The following KIRREL3 variants were observed in gnomAD, a reference collection of about 807,000 sequenced individuals.
The protein encoded by KIRREL3 is kirre like nephrin family adhesion molecule 3.
In KIRREL3, 36 loss-of-function variants were observed where a neutral mutation model predicts 89.7. The observed-to-expected ratio is 0.40, with a 90% CI of 0.31 to 0.53. The LOEUF is 0.53. Ranked by LOEUF, KIRREL3 falls within the 20% of genes least tolerant of loss-of-function variation. KIRREL3 has a pLI of 0.49. For missense variants in KIRREL3, 864 were observed against 1,056.6 expected (o/e 0.82, Z 2.53); for synonymous variants, 445 against 441.4 (o/e 1.01, Z -0.10).
In KIRREL3 at chr11:126,535,306, T is replaced by C. The variant is rs1409380058; in HGVS notation, c.134-8619A>G. ...TGCAGCGCCCTCATCTTAATCTCTT[T>C]TCTGGGACTCGCAGCACACATTATC... On this transcript the variant is annotated intron_variant, in intron 2 of 16. Transcript: ENST00000525144. This position sits in a 1 kb window ranked among gnomAD's most constrained non-coding sequence, Gnocchi z 4.5. Among the ~76,000 whole-genome samples, 1 of 152,152 alleles carries C rather than the reference T, an allele frequency of 6.6e-6. No individual in the cohort carries two copies. Among genetic ancestry groups the C allele is most frequent in the Non-Finnish European group, 1.5e-5 (1 of 68,034 alleles).
In KIRREL3 at chr11:126,708,938, T is replaced by C. The variant is rs988376129; in HGVS notation, c.56-146026A>G. ...TCTTCCTTCAGGCTGTTTCTTGAAT[T>C]GGTTTCTTCTCTATCCCACTATTAC... On this transcript the variant is annotated intron_variant, in intron 1 of 16. Coordinates refer to ENST00000525144, the MANE Select transcript of KIRREL3 (RefSeq NM_032531.4). The surrounding 1 kb of genome is among the most constrained non-coding windows in gnomAD (Gnocchi z 5.7). 6.6e-6 allele frequency among the ~76,000 whole-genome samples: 1 copy of C among 152,196 alleles called. No individual in the cohort carries two copies. The highest frequency in any genetic ancestry group is 2.4e-5 in the African/African-American group (1 of 41,460).
At chr11:126,781,857 T>C (rs146952519) in intron 1 of KIRREL3, among the ~76,000 whole-genome samples, 1 of 152,198 alleles carries the variant, frequency 6.6e-6, no homozygotes, top group Non-Finnish European at 1.5e-5. Context: ...TTGGTAGAAA[T>C]AGGGGCCACT....
Position 126,788,241 on chromosome 11 carries a change from C to A in KIRREL3, c.55+212214G>T, listed in dbSNP as rs904042469. Among the ~76,000 whole-genome samples, 1 of 152,232 alleles carries A rather than the reference C, an allele frequency of 6.6e-6. No individual in the cohort carries two copies. The highest frequency in any genetic ancestry group is 6.5e-5 in the Admixed American group (1 of 15,288). On this transcript the variant is annotated intron_variant, in intron 1 of 16. Transcript: ENST00000525144. This position sits in a 1 kb window ranked among gnomAD's most constrained non-coding sequence, Gnocchi z 4.1. ...ACCATCTCTTTTTCATTCCTATGGA[C>A]GTTGCCTCCCAGGGCTGCTCTCCAA...
intron 4 of KIRREL3, among the ~76,000 whole-genome samples, chr11:126,497,108 G>A (rs1368376129): frequency 1.5e-5 from 2 of 134,564 alleles, no homozygotes; most frequent in Non-Finnish European, 3.4e-5. Context: ...AAGCCTGCTT[G>A]GCTGTGTGTG....
chr11:126,832,513 A>G (rs1213900892), intron 1 of KIRREL3, among the ~76,000 whole-genome samples: 1 of 152,176 alleles, frequency 6.6e-6, no homozygotes, highest in Non-Finnish European at 1.5e-5. Context: ...GCGGGACTGT[A>G]TTTGAAGACA....
intron 1 of KIRREL3, among the ~76,000 whole-genome samples, chr11:126,859,594 A>G (rs1944643179): frequency 1.3e-5 from 2 of 152,246 alleles, no homozygotes; most frequent in South Asian, 4.1e-4. Context: ...GAGAAGCCAC[A>G]CACATAAACA....
chr11:126,574,080 G>A lies in KIRREL3; in HGVS notation c.56-11168C>T, dbSNP rs764882210. Among the ~76,000 whole-genome samples, 1 of 152,210 alleles carries A rather than the reference G, an allele frequency of 6.6e-6. No individual in the cohort carries two copies. Among genetic ancestry groups the A allele is most frequent in the Non-Finnish European group, 1.5e-5 (1 of 68,038 alleles). On this transcript the variant is annotated intron_variant, in intron 1 of 16. Transcript: ENST00000525144. This position sits in a 1 kb window ranked among gnomAD's most constrained non-coding sequence, Gnocchi z 5.3. ...CTTCATTCTGAGGGACTAGAACATC[G>A]GTTGCGGAATGTGGAAACCAGGTTA...
At position 126,783,134 on chromosome 11, in the gene KIRREL3, A is replaced by T. The variant is rs1485251391; in HGVS notation, c.55+217321T>A. ...CCGGAGAATGCACGTTTAAAAATTA[A>T]GGTGTCTGCAGAGCCATGCTTCCCC... is the stretch of plus-strand genomic sequence containing the variant. On this transcript the variant is annotated intron_variant, in intron 1 of 16. Coordinates refer to ENST00000525144, the MANE Select transcript of KIRREL3 (RefSeq NM_032531.4). The surrounding 1 kb of genome is among the most constrained non-coding windows in gnomAD (Gnocchi z 4.3). Among the ~76,000 whole-genome samples the T allele has an allele frequency of 6.6e-6, 1 of 152,226 alleles. No homozygotes were observed. The highest frequency in any genetic ancestry group is 2.4e-5 in the African/African-American group (1 of 41,470).
In KIRREL3 at chr11:126,943,193, A is replaced by G. The variant is rs1040906758; in HGVS notation, c.55+57262T>C. 6.6e-6 allele frequency among the ~76,000 whole-genome samples: 1 copy of G among 152,102 alleles called. No homozygotes were observed. The highest frequency in any genetic ancestry group is 6.5e-5 in the Admixed American group (1 of 15,280). On this transcript the variant is annotated intron_variant, in intron 1 of 16. Coordinates refer to ENST00000525144, the MANE Select transcript of KIRREL3 (RefSeq NM_032531.4). This position sits in a 1 kb window ranked among gnomAD's most constrained non-coding sequence, Gnocchi z 4.2. Reference sequence around the variant, plus strand: ...GGGGCCTTCTCTTTGGGGTCTCAGGATTGGCTTTTGAGGTGTTTCTGGGCC... The same window carrying G: ...GGGGCCTTCTCTTTGGGGTCTCAGGGTTGGCTTTTGAGGTGTTTCTGGGCC...
Position 126,807,425 on chromosome 11 carries a change from T to G in KIRREL3, c.55+193030A>C, listed in dbSNP as rs1951237989. On this transcript the variant is annotated intron_variant, in intron 1 of 16. Coordinates refer to ENST00000525144, the MANE Select transcript of KIRREL3 (RefSeq NM_032531.4). The surrounding 1 kb of genome is among the most constrained non-coding windows in gnomAD (Gnocchi z 4.3). The stretch of plus-strand genomic sequence containing the variant: ...TAACCTGTATTTTGGCTTCTAGTGG[T>G]TGAGACCTCATTAGCTATGTGTTTA... 6.6e-6 allele frequency among the ~76,000 whole-genome samples: 1 copy of G among 152,232 alleles called. No homozygotes were observed. Among genetic ancestry groups the G allele is most frequent in the African/African-American group, 2.4e-5 (1 of 41,466 alleles).
At chr11:126,680,592 T>A (rs566864138) in intron 1 of KIRREL3, among the ~76,000 whole-genome samples, 1 of 152,152 alleles carries the variant, frequency 6.6e-6, no homozygotes, top group East Asian at 1.9e-4. Context: ...ATGCAAGGAC[T>A]GGGGTTTAAA....
Position 126,782,978 on chromosome 11 carries a change from C to T in KIRREL3, c.55+217477G>A, listed in dbSNP as rs1409860600. 6.6e-6 allele frequency among the ~76,000 whole-genome samples: 1 copy of T among 152,154 alleles called. No individual in the cohort carries two copies. Among genetic ancestry groups the T allele is most frequent in the Non-Finnish European group, 1.5e-5 (1 of 68,044 alleles). On this transcript the variant is annotated intron_variant, in intron 1 of 16. Coordinates refer to ENST00000525144, the MANE Select transcript of KIRREL3 (RefSeq NM_032531.4). This position sits in a 1 kb window ranked among gnomAD's most constrained non-coding sequence, Gnocchi z 4.1. ...AATTCTAGCACAGGATCAGGAAATA[C>T]ACAAGATGAACTGGAGCATCTTGTA... is the stretch of plus-strand genomic sequence containing the variant.
rs185527690 is a variant in KIRREL3 at position 126,424,479 on chromosome 11, G to A, written c.*101C>T. The stretch of plus-strand genomic sequence containing the variant: ...GGCGCTGGGAGGCTGTCCTGGAAGT[G>A]GCCAATTCTGGTGTCCTCTGCAAAG... On this transcript the variant is annotated 3_prime_UTR_variant, in exon 17 of 17. Coordinates refer to ENST00000525144, the MANE Select transcript of KIRREL3 (RefSeq NM_032531.4). 21 of 1,139,188 alleles carry A rather than the reference G, an allele frequency of 1.8e-5. No homozygotes were observed. Among genetic ancestry groups the A allele is most frequent in the Non-Finnish European group, 2.5e-5 (20 of 795,800 alleles). 70.6% of individuals were successfully genotyped at this position (1,139,188 alleles called of 1,614,324 possible). A position where few individuals can be genotyped will look rare whatever the true frequency, so the allele number is the denominator to read the frequency against.
At chr11:126,979,115 C>CGT (rs1949656537) in intron 1 of KIRREL3, among the ~76,000 whole-genome samples, 1 of 152,164 alleles carries the variant, frequency 6.6e-6, no homozygotes, top group South Asian at 2.1e-4. Flanking sequence ...ACAAAAGACC[C>CGT]GTCTATAACC....
rs1565566861 is a variant in KIRREL3, at chr11:126,579,163, A to C, written c.56-16251T>G. Among the ~76,000 whole-genome samples the C allele has an allele frequency of 6.6e-6, 1 of 152,128 alleles. No homozygotes were observed. Among genetic ancestry groups the C allele is most frequent in the East Asian group, 1.9e-4 (1 of 5,176 alleles). ...TCCTGCCAGCCATTGATGATCCTGG[A>C]GGATGAACGGGTCGTCTAAAACAGA... is the stretch of plus-strand genomic sequence containing the variant. On this transcript the variant is annotated intron_variant, in intron 1 of 16. Coordinates refer to ENST00000525144, the MANE Select transcript of KIRREL3 (RefSeq NM_032531.4). This position sits in a 1 kb window ranked among gnomAD's most constrained non-coding sequence, Gnocchi z 5.3.
chr11:126,786,133 G>A (rs1950481760), intron 1 of KIRREL3, among the ~76,000 whole-genome samples: 1 of 146,784 alleles, frequency 6.8e-6, no homozygotes, highest in Non-Finnish European at 1.5e-5. Context: ...TCATAGACTT[G>A]ATGGAATATT....
chr11:126,504,723 T>C (rs1957969705), intron 4 of KIRREL3, among the ~76,000 whole-genome samples: 1 of 152,218 alleles, frequency 6.6e-6, no homozygotes, highest in African/African-American at 2.4e-5. Context: ...CTATAGACTA[T>C]TGTCCATCAT....
chr11:126,435,130 T>C (rs1955270992), intron 13 of KIRREL3, 138 bp downstream of exon 13: 1 of 911,782 alleles, frequency 1.1e-6, no homozygotes, highest in South Asian at 1.4e-5. Flanking sequence ...TTGTCTACAC[T>C]AAACCCTCAG....
At position 126,668,118 on chromosome 11, in the gene KIRREL3, T is replaced by A. The variant is rs1945747765; in HGVS notation, c.56-105206A>T. ...ACAAAACACCATAAACTGGGTGGTT[T>A]ATAAACAACAGAAATTTATTTCTTA... On this transcript the variant is annotated intron_variant, in intron 1 of 16. Coordinates refer to ENST00000525144, the MANE Select transcript of KIRREL3 (RefSeq NM_032531.4). The surrounding 1 kb of genome is among the most constrained non-coding windows in gnomAD (Gnocchi z 4.4). Among the ~76,000 whole-genome samples, 1 of 152,154 alleles carries A rather than the reference T, an allele frequency of 6.6e-6. No homozygotes were observed. The highest frequency in any genetic ancestry group is 1.5e-5 in the Non-Finnish European group (1 of 68,024).
Sources: allele counts gnomAD v4.1 joint callset (sites outside exome capture counted in the v4.1 genomes callset), GRCh38; gene constraint gnomAD v4.1.1; non-coding constraint Gnocchi (gnomAD v3.1); transcripts MANE v1.5; gene names NCBI Gene and HGNC (gene_info 2026-07-23, HGNC 2026-07-21).